CDC42BPA: variants seen among roughly 807,000 people sequenced by gnomAD.
The protein encoded by CDC42BPA is serine/threonine-protein kinase MRCK alpha.
A neutral mutation model predicts 223.5 loss-of-function variants in CDC42BPA; 80 were observed. The ratio of observed to expected loss-of-function variants is 0.36; its 90% CI spans 0.30 to 0.43. The LOEUF (loss-of-function observed/expected upper bound fraction) is 0.43, where lower values mean the gene tolerates loss of function less well. CDC42BPA is among the 20% of genes least tolerant of loss of function. The pLI is 1.00. For missense variants in CDC42BPA, 1,743 were observed against 2,099.9 expected (o/e 0.83, Z 3.32); for synonymous variants, 694 against 718.6 (o/e 0.97, Z 0.55).
At position 227,265,324 on chromosome 1, in the gene CDC42BPA, T is replaced by A. The variant is rs1684800131; in HGVS notation, c.179-11169A>T. The A allele has an allele frequency of 2.2e-5, 9 of 412,982 alleles. No individual in the cohort carries two copies. In the South Asian group the frequency reaches 2.4e-4, roughly 11 times the overall value. The allele number at this position is 412,982 out of a possible 1,614,324, so 25.6% of individuals were successfully genotyped here. A position where few individuals can be genotyped will look rare whatever the true frequency, so the allele number is the denominator to read the frequency against. ...TCGTTTCCCTACCTGTACAGGTACCTATACCTCATAACCCTCACAGGGTCA... is the reference window on the plus strand; with the variant it reads ...TCGTTTCCCTACCTGTACAGGTACCAATACCTCATAACCCTCACAGGGTCA... On this transcript the variant is annotated intron_variant, in intron 1 of 36. Transcript: ENST00000366766.
chr1:227,193,135 C>G (rs973870523), intron 5 of CDC42BPA, among the ~76,000 whole-genome samples: 1 of 134,140 alleles, frequency 7.5e-6, no homozygotes, highest in East Asian at 2.2e-4. Flanking sequence ...GTGGCGGGAT[C>G]TCGGCTCACT....
At chr1:227,033,135 T>A (rs946335051) in intron 27 of CDC42BPA, among the ~76,000 whole-genome samples, 199 bp downstream of exon 27, 2 of 152,224 alleles carry the variant, frequency 1.3e-5, no homozygotes, top group African/African-American at 4.8e-5. Flanking sequence ...AGCCATATAT[T>A]GATGCTTTCT....
intron 16 of CDC42BPA, among the ~76,000 whole-genome samples, chr1:227,085,990 C>T (rs1415608389): frequency 2.0e-5 from 3 of 152,292 alleles, no homozygotes; most frequent in Non-Finnish European, 4.4e-5. Flanking sequence ...TATAATTGAT[C>T]TTGGTCCGCA....
At chr1:227,048,753 G>GGAA (rs1553313427) in intron 22 of CDC42BPA, among the ~76,000 whole-genome samples, 8 of 112,554 alleles carry the variant, frequency 7.1e-5, no homozygotes, top group Non-Finnish European at 1.1e-4. Flanking sequence ...AAAGTAGTGA[G>GGAA]AAAAAAAAAA....
At chr1:227,283,349 A>G (rs917783866) in intron 1 of CDC42BPA, among the ~76,000 whole-genome samples, 2 of 152,138 alleles carry the variant, frequency 1.3e-5, no homozygotes, top group Non-Finnish European at 1.5e-5. Context: ...AAAAGTATTG[A>G]CCCACCAAAA....
chr1:227,259,129 C>T (rs992656094), intron 1 of CDC42BPA, among the ~76,000 whole-genome samples: 6 of 150,924 alleles, frequency 4.0e-5, no homozygotes, highest in South Asian at 2.1e-4. Flanking sequence ...GTATCTGCCA[C>T]GCCGCCTCCC....
At chr1:227,129,425 T>C (rs1371225349) in intron 10 of CDC42BPA, among the ~76,000 whole-genome samples, 194 bp from the exon 11 acceptor site, 1 of 151,878 alleles carries the variant, frequency 6.6e-6, no homozygotes, top group East Asian at 1.9e-4. Context: ...CCCAGCACTT[T>C]GGGAGGCCAA....
chr1:227,250,078 G>A (rs1047571862), intron 2 of CDC42BPA, among the ~76,000 whole-genome samples: 2 of 152,062 alleles, frequency 1.3e-5, no homozygotes, highest in African/African-American at 2.4e-5. Flanking sequence ...TTGAAATAAC[G>A]TGGATATCCA....
Position 227,233,042 on chromosome 1 carries a change from C to T in CDC42BPA, c.271-19823G>A, listed in dbSNP as rs138141962. On this transcript the variant is annotated intron_variant, in intron 2 of 36. Transcript: ENST00000366766. Reference sequence around the variant, plus strand: ...CTAGCAGTGAGCGAGGCTCCATGGGCGTGGGACCCTCCGAGCCAGGTGCGG... The same window carrying T: ...CTAGCAGTGAGCGAGGCTCCATGGGTGTGGGACCCTCCGAGCCAGGTGCGG... 2.4e-4 allele frequency among the ~76,000 whole-genome samples: 36 copies of T among 152,298 alleles called. 1 individual carries two copies. In the East Asian group the frequency reaches 5.0e-3, roughly 21 times the overall value.
intron 23 of CDC42BPA, among the ~76,000 whole-genome samples, chr1:227,045,525 G>A (rs1672268563): frequency 6.6e-6 from 1 of 152,136 alleles, no homozygotes; most frequent in Non-Finnish European, 1.5e-5. Flanking sequence ...ACAGGAAAAA[G>A]TCTTTTACTT....
At chr1:227,122,317 T>C (rs1373836341) in intron 11 of CDC42BPA, among the ~76,000 whole-genome samples, 1 of 152,212 alleles carries the variant, frequency 6.6e-6, no homozygotes, top group Admixed American at 6.5e-5. Flanking sequence ...TGAAGTGTTC[T>C]TCTCTAACAT....
At chr1:227,069,668 G>C (rs1263816147) in intron 21 of CDC42BPA, 109 bp downstream of exon 21, 1 of 672,894 alleles carries the variant, frequency 1.5e-6, no homozygotes, top group Admixed American at 2.6e-5. Context: ...TAAGATTCTA[G>C]GTCCTCTGAT....
chr1:227,112,684 C>T lies in CDC42BPA; in HGVS notation c.1877G>A (p.Arg626Lys), dbSNP rs1474977310. ...SLRQELRRTE[R>K]AKKELEVHTE... ...CTGACTACTAACCTCTTTTTTGGCT[C>T]TTTCTGTTCTGCGCAGTTCTTGCCT... Residue 626 changes from arginine to lysine, a missense_variant, in exon 13 of 37, where the codon AGA becomes AAA. Physicochemically the swap from Arg to Lys is conservative, Grantham distance 26. Transcript: ENST00000366766. 2 of 1,613,002 alleles carry T rather than the reference C, an allele frequency of 1.2e-6. No individual in the cohort carries two copies. The highest frequency in any genetic ancestry group is 1.7e-6 in the Non-Finnish European group (2 of 1,179,672).
intron 5 of CDC42BPA, among the ~76,000 whole-genome samples, chr1:227,181,011 T>TCA (rs1300040851): frequency 6.6e-6 from 1 of 152,114 alleles, no homozygotes; most frequent in Non-Finnish European, 1.5e-5. Context: ...TGCTGTTAAG[T>TCA]CATTAGAAAT....
chr1:227,171,425 A>G (rs1333327952), intron 5 of CDC42BPA, among the ~76,000 whole-genome samples: 1 of 152,206 alleles, frequency 6.6e-6, no homozygotes, highest in Non-Finnish European at 1.5e-5. Flanking sequence ...GTTTATGACC[A>G]GCGTGAGCAA....
intron 2 of CDC42BPA, among the ~76,000 whole-genome samples, chr1:227,252,005 T>C (rs1056475163): frequency 7.9e-5 from 12 of 152,164 alleles, no homozygotes; most frequent in African/African-American, 2.9e-4. Flanking sequence ...TATATACATA[T>C]ATATGACATA....
intron 3 of CDC42BPA, among the ~76,000 whole-genome samples, chr1:227,203,963 T>C (rs6703900): frequency 0.69 from 104,515 of 152,000 alleles, 36,121 homozygotes; most frequent in South Asian, 0.74. Flanking sequence ...CTCATCAAAA[T>C]TGCACAGATA....
chr1:227,273,512 G>A (rs1423640583), intron 1 of CDC42BPA, among the ~76,000 whole-genome samples: 1 of 151,290 alleles, frequency 6.6e-6, no homozygotes, highest in African/African-American at 2.4e-5. Flanking sequence ...TCCAGCCTGG[G>A]CGACAAGAGC....
intron 1 of CDC42BPA, among the ~76,000 whole-genome samples, chr1:227,310,816 A>C (rs61834325): frequency 0.17 from 25,706 of 151,200 alleles, 2,236 homozygotes; most frequent in Middle Eastern, 0.2. Context: ...CCTCCTGAGT[A>C]GCTGGGACTA....
Sources: gnomAD v4.1 joint callset for allele counts (sites outside exome capture counted in the v4.1 genomes callset) on GRCh38, gnomAD v4.1.1 for gene constraint, MANE v1.5 for transcripts, NCBI Gene and HGNC (gene_info 2026-07-23, HGNC 2026-07-21) for gene names.